The following PCA3 variants were observed in gnomAD, a reference collection of about 807,000 sequenced individuals.
PCA3 encodes Differential Display code 3.
intron 2 of PCA3, among the ~76,000 whole-genome samples, chr9:76,783,176 G>A (rs867599427): frequency 3.9e-5 from 6 of 151,972 alleles, no homozygotes; most frequent in African/African-American, 7.3e-5. Context: ...CCACTCTGTC[G>A]CCCAGGTTCG....
At chr9:76,768,583 A>ATGTGTGTGTG (rs55793596) in intron 2 of PCA3, among the ~76,000 whole-genome samples, 110 of 103,348 alleles carry the variant, frequency 1.1e-3, no homozygotes, top group African/African-American at 3.3e-3. Context: ...ATGTATATGT[A>ATGTGTGTGTG]TGTGTGTGTG....
chr9:76,774,059 T>C (rs2053418923), intron 2 of PCA3, among the ~76,000 whole-genome samples: 1 of 152,178 alleles, frequency 6.6e-6, no homozygotes. Context: ...TTTCAAATAA[T>C]AATTAGATTA....
At chr9:76,766,598 T>C (rs2052419719) in intron 2 of PCA3, among the ~76,000 whole-genome samples, 1 of 152,196 alleles carries the variant, frequency 6.6e-6, no homozygotes, top group Admixed American at 6.5e-5. Context: ...CTTGCTTTCC[T>C]TCCATGTTTT....
chr9:76,781,979 C>T (rs1246337617), intron 2 of PCA3, among the ~76,000 whole-genome samples: 1 of 151,888 alleles, frequency 6.6e-6, no homozygotes, highest in Non-Finnish European at 1.5e-5. Context: ...CTTTGGGAGG[C>T]CGAAGCAGGT....
chr9:76,776,893 TACACACACACACACAC>T (rs541232508), intron 2 of PCA3, among the ~76,000 whole-genome samples: 42 of 115,664 alleles, frequency 3.6e-4, no homozygotes, highest in South Asian at 1.2e-3. Context: ...CCAAAACACA[TACACACACACACACAC>T]ACACACACAC....
intron 2 of PCA3, among the ~76,000 whole-genome samples, chr9:76,780,616 A>G (rs1400509427): frequency 3.3e-5 from 5 of 152,124 alleles, no homozygotes; most frequent in Non-Finnish European, 7.4e-5. Flanking sequence ...GCGTGAACCC[A>G]GGAGGCAGAG....
chr9:76,766,875 A>C (rs1451119167), intron 2 of PCA3, among the ~76,000 whole-genome samples: 1 of 152,068 alleles, frequency 6.6e-6, no homozygotes, highest in South Asian at 2.1e-4. Context: ...GTCACTGTCA[A>C]CTCATACACA....
chr9:76,770,777 T>G (rs1003625415), intron 2 of PCA3, among the ~76,000 whole-genome samples: 3 of 152,138 alleles, frequency 2.0e-5, no homozygotes, highest in Non-Finnish European at 2.9e-5. Context: ...AAGCCCAAAA[T>G]CATTCCAAAT....
At chr9:76,774,453 T>TATTTATTTATTTATTTA (rs370472844) in intron 2 of PCA3, among the ~76,000 whole-genome samples, 4 of 122,224 alleles carry the variant, frequency 3.3e-5, no homozygotes, top group South Asian at 2.9e-4. Flanking sequence ...TTCAACCCTT[T>TATTTATTTATTTATTTA]TTTTTTTTTT....
At chr9:76,776,390 C>G (rs540553460) in intron 2 of PCA3, among the ~76,000 whole-genome samples, 11 of 152,034 alleles carry the variant, frequency 7.2e-5, no homozygotes, top group Admixed American at 1.3e-4. Flanking sequence ...CATGTGGTAT[C>G]TGATTTTCCA....
intron 2 of PCA3, chr9:76,784,718 G>T: frequency 6.6e-6 from 1 of 152,340 alleles, no homozygotes. Flanking sequence ...TCTGGCCCAG[G>T]GGATCTGTGA....
intron 2 of PCA3, chr9:76,783,888 G>GT (rs1410095830): frequency 6.6e-6 from 1 of 152,126 alleles, no homozygotes; most frequent in African/African-American, 2.4e-5. Flanking sequence ...AAGCACAGAG[G>GT]TAAGTGCTTT....
intron 2 of PCA3, among the ~76,000 whole-genome samples, chr9:76,782,515 GTTC>G (rs2054525746): frequency 6.6e-6 from 1 of 152,178 alleles, no homozygotes; most frequent in South Asian, 2.1e-4. Flanking sequence ...TCTTTACAGA[GTTC>G]TTCTAAAAAT....
chr9:76,782,201 G>A (rs1039084692), intron 2 of PCA3, among the ~76,000 whole-genome samples: 5 of 151,492 alleles, frequency 3.3e-5, no homozygotes, highest in African/African-American at 7.3e-5. Context: ...GTGACAAAGC[G>A]AGACTCCATC....
At chr9:76,781,574 A>G (rs10869815) in intron 2 of PCA3, among the ~76,000 whole-genome samples, 48,945 of 152,060 alleles carry the variant, frequency 0.32, 8,326 homozygotes, top group African/African-American at 0.43. Context: ...CTAATGTAAA[A>G]TAGGTTATAT....
chr9:76,765,186 T>C (rs751723889), intron 2 of PCA3, among the ~76,000 whole-genome samples: 2 of 152,074 alleles, frequency 1.3e-5, no homozygotes, highest in Non-Finnish European at 2.9e-5. Flanking sequence ...GGAACCAAGC[T>C]GGGAATTCCA....
At chr9:76,772,344 T>A (rs2053202392) in intron 2 of PCA3, among the ~76,000 whole-genome samples, 1 of 152,164 alleles carries the variant, frequency 6.6e-6, no homozygotes, top group Admixed American at 6.5e-5. Flanking sequence ...TTTTAATTTT[T>A]TTTTTAAATG....
At chr9:76,769,317 T>A (rs1375925029) in intron 2 of PCA3, among the ~76,000 whole-genome samples, 2 of 152,242 alleles carry the variant, frequency 1.3e-5, no homozygotes, top group Admixed American at 6.5e-5. Context: ...ACATACAGAA[T>A]AACTGAACTG....
chr9:76,774,815 CAG>C (rs972739770), intron 2 of PCA3, among the ~76,000 whole-genome samples: 1 of 152,058 alleles, frequency 6.6e-6, no homozygotes, highest in Non-Finnish European at 1.5e-5. Context: ...ATGGAGGAAA[CAG>C]GGGAGCTTTA....
Sources: gnomAD v4.1 joint callset for allele counts (sites outside exome capture counted in the v4.1 genomes callset) on GRCh38, gnomAD v4.1.1 for gene constraint, MANE v1.5 for transcripts, NCBI Gene and HGNC (gene_info 2026-07-23, HGNC 2026-07-21) for gene names.